Variants in TMEM117 observed in about 807,000 individuals in gnomAD.
TMEM117 encodes transmembrane protein 117.
A neutral mutation model predicts 52.4 loss-of-function variants in TMEM117; 27 were observed. The ratio of observed to expected loss-of-function variants is 0.51; its 90% CI spans 0.38 to 0.71. The LOEUF is 0.71. TMEM117 is among the 30% of genes least tolerant of loss of function. The pLI is 0.00. For synonymous variants in TMEM117, 215 were observed against 206.3 expected (o/e 1.04, Z -0.36); for missense variants, 556 against 630.5 (o/e 0.88, Z 1.26).
At chr12:44,155,617 C>T (rs561435070) in intron 4 of TMEM117, among the ~76,000 whole-genome samples, 4 of 152,110 alleles carry the variant, frequency 2.6e-5, no homozygotes, top group Non-Finnish European at 5.9e-5. Flanking sequence ...CCCTCAAGGC[C>T]AGGCTCATCT....
intron 6 of TMEM117, among the ~76,000 whole-genome samples, chr12:44,309,882 G>C (rs77309674): frequency 6.6e-6 from 1 of 151,756 alleles, no homozygotes; most frequent in Non-Finnish European, 1.5e-5. Flanking sequence ...TGTATACAAA[G>C]TTGAAAACAA....
chr12:43,927,940 G>A (rs1242124100), intron 2 of TMEM117, among the ~76,000 whole-genome samples: 1 of 151,308 alleles, frequency 6.6e-6, no homozygotes, highest in Non-Finnish European at 1.5e-5. Flanking sequence ...AAGTTTTTTT[G>A]TGTTTTCTGT....
intron 5 of TMEM117, among the ~76,000 whole-genome samples, chr12:44,241,686 A>G (rs866744558): frequency 1.1e-3 from 166 of 151,894 alleles, no homozygotes; most frequent in African/African-American, 3.7e-3. Flanking sequence ...GTCATATGTT[A>G]TGAGATAAGA....
chr12:43,987,270 C>G (rs1945864392), intron 3 of TMEM117, among the ~76,000 whole-genome samples: 1 of 152,170 alleles, frequency 6.6e-6, no homozygotes, highest in Admixed American at 6.5e-5. Context: ...ACCTTGATCT[C>G]AGACTTCTAG....
chr12:44,158,167 A>G (rs190524552), intron 4 of TMEM117, among the ~76,000 whole-genome samples: 4 of 152,302 alleles, frequency 2.6e-5, no homozygotes, highest in Admixed American at 2.6e-4. Flanking sequence ...GTAGCTGAGT[A>G]AAGATGGTAT....
intron 3 of TMEM117, among the ~76,000 whole-genome samples, chr12:44,076,330 T>G (rs1303481964): frequency 1.3e-5 from 2 of 152,186 alleles, no homozygotes; most frequent in Admixed American, 1.3e-4. Flanking sequence ...CCTCTTTTTC[T>G]TCTATTAATT....
chr12:44,354,531 C>T (rs937576392), intron 6 of TMEM117, among the ~76,000 whole-genome samples: 5 of 151,988 alleles, frequency 3.3e-5, no homozygotes, highest in Non-Finnish European at 5.9e-5. Context: ...AATCAGTAAA[C>T]ATAATCCAGC....
intron 5 of TMEM117, among the ~76,000 whole-genome samples, chr12:44,297,739 A>C (rs1200563244): frequency 6.6e-6 from 1 of 152,262 alleles, no homozygotes; most frequent in African/African-American, 2.4e-5. Flanking sequence ...GATTTCATTC[A>C]GAGTTGTTTG....
chr12:44,372,213 A>G (rs1951873434), intron 6 of TMEM117, among the ~76,000 whole-genome samples: 1 of 152,216 alleles, frequency 6.6e-6, no homozygotes, highest in Admixed American at 6.5e-5. Context: ...AAATAAATGA[A>G]TATTTCATAA....
At chr12:43,797,254 C>G in the TMEM117 span, 1 of 1,527,584 alleles carries the variant, frequency 6.5e-7, no homozygotes, top group Non-Finnish European at 8.8e-7. Context: ...GGCTGATACA[C>G]CAATAAACAA....
chr12:44,117,118 C>T (rs1263174432), intron 3 of TMEM117, among the ~76,000 whole-genome samples: 1 of 152,172 alleles, frequency 6.6e-6, no homozygotes, highest in Non-Finnish European at 1.5e-5. Flanking sequence ...ATCACTCTAA[C>T]TCCCTAGTTT....
chr12:44,358,448 A>C (rs948586764), intron 6 of TMEM117, among the ~76,000 whole-genome samples: 1 of 152,178 alleles, frequency 6.6e-6, no homozygotes, highest in Non-Finnish European at 1.5e-5. Context: ...TAGGTGATGT[A>C]CATCAGGTAG....
At chr12:44,181,541 G>C (rs1292615397) in intron 4 of TMEM117, among the ~76,000 whole-genome samples, 1 of 150,970 alleles carries the variant, frequency 6.6e-6, no homozygotes, top group Non-Finnish European at 1.5e-5. Context: ...TAAGGTGTAA[G>C]GAAGGGATCC....
At chr12:44,249,006 C>T (rs12307560) in intron 5 of TMEM117, 39,413 of 152,124 alleles carry the variant, frequency 0.26, 9,197 homozygotes, top group African/African-American at 0.63. Context: ...AGGCTGCTTC[C>T]TATTAGTTCT....
intron 5 of TMEM117, among the ~76,000 whole-genome samples, chr12:44,261,207 A>G (rs2138540222): frequency 1.3e-5 from 2 of 152,366 alleles, no homozygotes; most frequent in Middle Eastern, 3.4e-3. Context: ...CACATGATTA[A>G]CTCAGTAAAG....
chr12:44,372,091 C>G (rs952509705), intron 6 of TMEM117, among the ~76,000 whole-genome samples: 1 of 152,180 alleles, frequency 6.6e-6, no homozygotes, highest in Admixed American at 6.5e-5. Context: ...GTAATTCTCA[C>G]ATCACTGAAC....
At chr12:44,396,737 C>T in the TMEM117 span, among the ~76,000 whole-genome samples, 1 of 151,446 alleles carries the variant, frequency 6.6e-6, no homozygotes, top group East Asian at 1.9e-4. Context: ...ACCTGTAATC[C>T]CAGATACTCA....
chr12:44,257,742 G>T (rs1229837922), intron 5 of TMEM117, among the ~76,000 whole-genome samples: 1 of 152,058 alleles, frequency 6.6e-6, no homozygotes, highest in African/African-American at 2.4e-5. Context: ...TTATACAGGA[G>T]ACACAGCTTA....
chr12:43,889,176 G>T (rs183714305), intron 2 of TMEM117, among the ~76,000 whole-genome samples: 2 of 151,126 alleles, frequency 1.3e-5, no homozygotes, highest in African/African-American at 4.9e-5. Context: ...TCCGCCTCCC[G>T]GGTACAAGCA....
Sources: gnomAD v4.1 joint callset for allele counts (sites outside exome capture counted in the v4.1 genomes callset) on GRCh38, gnomAD v4.1.1 for gene constraint, MANE v1.5 for transcripts, NCBI Gene and HGNC (gene_info 2026-07-23, HGNC 2026-07-21) for gene names.